Variants in NOS1AP observed in about 807,000 individuals in gnomAD.
The protein encoded by NOS1AP is nitric oxide synthase 1 adaptor protein, also known as carboxyl-terminal PDZ ligand of neuronal nitric oxide synthase protein.
NOS1AP carries 21 observed loss-of-function variants against 56.2 expected under a neutral mutation model. That is an observed-to-expected ratio of 0.37 (90% CI 0.26 to 0.54). The LOEUF is 0.54. Among genes scored for constraint, NOS1AP ranks in the 20% least tolerant of loss-of-function variants. NOS1AP has a pLI of 0.84. For missense variants in NOS1AP, 522 were observed against 657.8 expected (o/e 0.79, Z 2.26); for synonymous variants, 270 against 274.6 (o/e 0.98, Z 0.17).
chr1:162,075,528 C>T (rs768695444), intron 1 of NOS1AP, among the ~76,000 whole-genome samples: 10 of 152,198 alleles, frequency 6.6e-5, no homozygotes, highest in Non-Finnish European at 1.5e-4. Flanking sequence ...ATCCCTGACT[C>T]GTCTGAGCCT....
At chr1:162,162,458 T>C (rs1428122592) in intron 2 of NOS1AP, among the ~76,000 whole-genome samples, 2 of 152,162 alleles carry the variant, frequency 1.3e-5, no homozygotes, top group Admixed American at 6.5e-5. Flanking sequence ...TGGCTAGTGT[T>C]TGTCCTGATA....
chr1:162,176,183 T>A lies in NOS1AP; in HGVS notation c.177+21707T>A, dbSNP rs189676321. ...CCACTCAATGATTTTTTTTAAAAAA[T>A]TTGCATGCATTTAGGTTTACTCTTG... On this transcript the variant is annotated intron_variant, in intron 2 of 9. Transcript: ENST00000361897. Among the ~76,000 whole-genome samples the A allele has an allele frequency of 3.4e-3, 517 of 152,314 alleles. 5 individuals carry two copies. The highest frequency in any genetic ancestry group is 0.02 in the Middle Eastern group (6 of 294).
intron 2 of NOS1AP, among the ~76,000 whole-genome samples, chr1:162,235,739 C>G (rs1433647393): frequency 2.0e-5 from 3 of 152,208 alleles, no homozygotes; most frequent in African/African-American, 7.2e-5. Flanking sequence ...GTGGTTAATT[C>G]CTGGCATTCC....
intron 1 of NOS1AP, among the ~76,000 whole-genome samples, chr1:162,105,193 C>T (rs1220813632): frequency 1.3e-5 from 2 of 152,200 alleles, no homozygotes; most frequent in African/African-American, 4.8e-5. Flanking sequence ...CCACTCCAGA[C>T]CCTAGTTGCC....
At chr1:162,190,696 G>A (rs1651597382) in intron 2 of NOS1AP, among the ~76,000 whole-genome samples, 1 of 152,096 alleles carries the variant, frequency 6.6e-6, no homozygotes, top group African/African-American at 2.4e-5. Context: ...GGAGAAGTCT[G>A]GGACTTAGTC....
chr1:162,312,235 C>A (rs1656061419), intron 4 of NOS1AP, among the ~76,000 whole-genome samples: 1 of 139,958 alleles, frequency 7.1e-6, no homozygotes, highest in Non-Finnish European at 1.5e-5. Context: ...CACATCCTCT[C>A]CAGCACCTGT....
chr1:162,277,796 A>C (rs1296472178), intron 2 of NOS1AP, among the ~76,000 whole-genome samples: 2 of 152,190 alleles, frequency 1.3e-5, no homozygotes, highest in African/African-American at 4.8e-5. Flanking sequence ...TTTTCCAGGC[A>C]AGGGATTTAG....
chr1:162,318,678 G>C (rs566776593), intron 4 of NOS1AP, among the ~76,000 whole-genome samples: 16 of 151,762 alleles, frequency 1.1e-4, no homozygotes, highest in Non-Finnish European at 1.8e-4. Context: ...AGGGGATGTC[G>C]TATTTCCTAT....
intron 1 of NOS1AP, among the ~76,000 whole-genome samples, chr1:162,080,750 C>T (rs559758565): frequency 3.6e-4 from 55 of 152,322 alleles, no homozygotes; most frequent in African/African-American, 1.2e-3. Context: ...GTCAAGGGGA[C>T]TCCCTAACTT....
At chr1:162,245,611 G>A (rs1435596285) in intron 2 of NOS1AP, among the ~76,000 whole-genome samples, 1 of 152,360 alleles carries the variant, frequency 6.6e-6, no homozygotes. Flanking sequence ...AGCTTTAGCT[G>A]TAGTAGGCAA....
rs543760380 is a variant in NOS1AP, at chr1:162,323,312, A to G, written c.345-9705A>G. 2.6e-5 allele frequency among the ~76,000 whole-genome samples: 4 copies of G among 152,342 alleles called. No homozygotes were observed. In the South Asian group the frequency reaches 8.3e-4, roughly 32 times the overall value. On this transcript the variant is annotated intron_variant, in intron 4 of 9. Coordinates refer to ENST00000361897, the MANE Select transcript of NOS1AP (RefSeq NM_014697.3). ...AGATGTGGAATAGATTCTCCCTGAGAGCCTCTAGAAGGAATCAGCCTTGAT... is the reference window on the plus strand; with the variant it reads ...AGATGTGGAATAGATTCTCCCTGAGGGCCTCTAGAAGGAATCAGCCTTGAT...
intron 5 of NOS1AP, among the ~76,000 whole-genome samples, chr1:162,342,105 G>C (rs1007178176): frequency 1.3e-5 from 2 of 152,202 alleles, no homozygotes; most frequent in African/African-American, 4.8e-5. Context: ...AAGGGTAGAT[G>C]TAGAAAACAG....
At chr1:162,221,037 G>A (rs1332076721) in intron 2 of NOS1AP, among the ~76,000 whole-genome samples, 2 of 152,170 alleles carry the variant, frequency 1.3e-5, no homozygotes, top group Non-Finnish European at 2.9e-5. Context: ...CACCTCTCGG[G>A]TTCAAGTGAT....
chr1:162,303,133 T>C (rs1031908456), intron 4 of NOS1AP, among the ~76,000 whole-genome samples: 1 of 152,194 alleles, frequency 6.6e-6, no homozygotes, highest in African/African-American at 2.4e-5. Context: ...CTATGAATGT[T>C]TGTGTAATGA....
At chr1:162,210,892 G>A (rs1413063569) in intron 2 of NOS1AP, among the ~76,000 whole-genome samples, 1 of 152,218 alleles carries the variant, frequency 6.6e-6, no homozygotes, top group Non-Finnish European at 1.5e-5. Context: ...GGCTGTCACT[G>A]TCAGGCCCCT....
intron 1 of NOS1AP, among the ~76,000 whole-genome samples, chr1:162,082,272 C>T (rs143319798): frequency 5.5e-4 from 84 of 152,214 alleles, no homozygotes; most frequent in South Asian, 6.2e-4. Context: ...GACATGATCT[C>T]GTACTTTTTC....
At chr1:162,143,602 G>A (rs1478110565) in intron 1 of NOS1AP, among the ~76,000 whole-genome samples, 1 of 152,128 alleles carries the variant, frequency 6.6e-6, no homozygotes, top group African/African-American at 2.4e-5. Flanking sequence ...CTACAAGCGT[G>A]TACCACCACA....
In NOS1AP at chr1:162,092,328, G is replaced by A. The variant is rs528600433; in HGVS notation, c.105+22046G>A. ...GTGTTTGTGTGGAATAATTGAGGGA[G>A]AGAACAGAGGAGGATTTCATCAGCA... On this transcript the variant is annotated intron_variant, in intron 1 of 9. Transcript: ENST00000361897. Among the ~76,000 whole-genome samples, 68 of 152,314 alleles carry A rather than the reference G, an allele frequency of 4.5e-4. 1 individual carries two copies. In the South Asian group the frequency reaches 0.014, roughly 31 times the overall value.
intron 2 of NOS1AP, among the ~76,000 whole-genome samples, chr1:162,212,045 T>C (rs1652367947): frequency 6.6e-6 from 1 of 152,212 alleles, no homozygotes; most frequent in South Asian, 2.1e-4. Context: ...GTCGATGCTA[T>C]AGCTGGGGAA....
Sources: gnomAD v4.1 joint callset for allele counts (sites outside exome capture counted in the v4.1 genomes callset) on GRCh38, gnomAD v4.1.1 for gene constraint, MANE v1.5 for transcripts, NCBI Gene and HGNC (gene_info 2026-07-23, HGNC 2026-07-21) for gene names.